MTMR2: variants seen among roughly 807,000 people sequenced by gnomAD.
MTMR2 encodes the protein phosphatidylinositol-3,5-bisphosphate 3-phosphatase MTMR2.
In MTMR2, 55 loss-of-function variants were observed where a neutral mutation model predicts 86.9. The ratio of observed to expected loss-of-function variants is 0.63; its 90% CI spans 0.51 to 0.79. The LOEUF is 0.79. Among genes scored for constraint, MTMR2 ranks in the 30% least tolerant of loss-of-function variants. The pLI is 0.00. For missense variants in MTMR2, 659 were observed against 772.3 expected (o/e 0.85, Z 1.74); for synonymous variants, 241 against 266.8 (o/e 0.90, Z 0.94).
At chr11:95,845,978 G>A (rs1381057547) in intron 10 of MTMR2, among the ~76,000 whole-genome samples, 1 of 149,866 alleles carries the variant, frequency 6.7e-6, no homozygotes, top group Non-Finnish European at 1.5e-5. Flanking sequence ...TTCTACATAC[G>A]CAGATGAGAA....
At position 95,849,796 on chromosome 11, in the gene MTMR2, C is replaced by T. The variant is rs370955430; in HGVS notation, c.871G>A (p.Val291Met). ...TCTTCTTTGCTTCGCTTTCCACTCA[C>T]TCCAACCATGGGCTGGCTACACCGA... is the stretch of plus-strand genomic sequence containing the variant. ...ITRCSQPMVG[V>M]SGKRSKEDEK... Residue 291 changes from valine to methionine, a missense_variant, in exon 9 of 15, where the codon GTG (valine) becomes ATG (methionine). By Grantham distance (21) the Val-to-Met change is conservative. Around this residue, in one of 3 missense-constraint regions of MTMR2, gnomAD observed 387 missense variants for 526.3 expected, o/e 0.74. Transcript: ENST00000346299. The T allele has an allele frequency of 8.1e-6, 13 of 1,614,064 alleles. No homozygotes were observed. The highest frequency in any genetic ancestry group is 6.7e-5 in the African/African-American group (5 of 74,946).
At chr11:95,846,450 G>C (rs1863795695) in intron 10 of MTMR2, among the ~76,000 whole-genome samples, 1 of 152,110 alleles carries the variant, frequency 6.6e-6, no homozygotes, top group South Asian at 2.1e-4. Context: ...AAGTGAAAAC[G>C]CTCCATAGAA....
chr11:95,856,333 CTT>C (rs11454567), intron 7 of MTMR2, among the ~76,000 whole-genome samples: 2 of 145,264 alleles, frequency 1.4e-5, no homozygotes, highest in African/African-American at 2.5e-5. Context: ...TTACCACTTC[CTT>C]TTTTTTTTTT....
Position 95,912,881 on chromosome 11 carries a change from C to CATAGTATAG in MTMR2, c.80+10985_80+10993dup, listed in dbSNP as rs1168383964. On this transcript the variant is annotated intron_variant, in intron 1 of 14. Transcript: ENST00000346299. ...AGAAAAGTTTTAACAGTAAACTGTT[C>CATAGTATAG]ATAGTATAGCTTATCAAGCACCTAC... The CATAGTATAG allele has an allele frequency of 8.2e-4, 124 of 152,122 alleles. 1 individual carries two copies. The highest frequency in any genetic ancestry group is 2.9e-3 in the African/African-American group (120 of 41,528). 9.4% of individuals were successfully genotyped at this position (152,122 alleles called of 1,614,324 possible). A position where few individuals can be genotyped will look rare whatever the true frequency, so the allele number is the denominator to read the frequency against.
intron 1 of MTMR2, among the ~76,000 whole-genome samples, chr11:95,913,272 G>A (rs535470186): frequency 2.0e-5 from 3 of 152,226 alleles, no homozygotes; most frequent in Admixed American, 2.0e-4. Context: ...ACATGGTAAA[G>A]TCTAGAACTG....
At chr11:95,883,204 T>C (rs558098757) in intron 2 of MTMR2, among the ~76,000 whole-genome samples, 1 of 152,304 alleles carries the variant, frequency 6.6e-6, no homozygotes, top group Admixed American at 6.5e-5. Flanking sequence ...CCCAGTGCTA[T>C]ACAAATTATA....
At chr11:95,876,879 C>G (rs1346858598) in intron 2 of MTMR2, among the ~76,000 whole-genome samples, 2 of 152,032 alleles carry the variant, frequency 1.3e-5, no homozygotes, top group East Asian at 1.9e-4. Context: ...CTCTCTCACA[C>G]ACACACAATT....
At chr11:95,906,842 A>G (rs1866295775) in intron 1 of MTMR2, among the ~76,000 whole-genome samples, 1 of 152,216 alleles carries the variant, frequency 6.6e-6, no homozygotes, top group South Asian at 2.1e-4. Context: ...GAACAAAGAT[A>G]CAACATACTA....
At chr11:95,843,429 T>TA (rs921715226) in intron 11 of MTMR2, among the ~76,000 whole-genome samples, 4 of 152,050 alleles carry the variant, frequency 2.6e-5, no homozygotes, top group Non-Finnish European at 4.4e-5. Context: ...AATTTAATGA[T>TA]AAAAAAAATT....
At chr11:95,884,935 G>T (rs897856305) in intron 2 of MTMR2, among the ~76,000 whole-genome samples, 4 of 151,948 alleles carry the variant, frequency 2.6e-5, no homozygotes, top group Non-Finnish European at 5.9e-5. Flanking sequence ...CTCTCCTAGG[G>T]AAAGAACAGT....
intron 1 of MTMR2, among the ~76,000 whole-genome samples, chr11:95,895,475 G>T (rs2135566495): frequency 6.6e-6 from 1 of 152,288 alleles, no homozygotes. Flanking sequence ...ATAAAAGGCT[G>T]TAATTTGCTG....
intron 10 of MTMR2, among the ~76,000 whole-genome samples, chr11:95,846,358 C>CT (rs1863792010): frequency 6.6e-6 from 1 of 152,174 alleles, no homozygotes; most frequent in Non-Finnish European, 1.5e-5. Flanking sequence ...AAAGTTCCTG[C>CT]TTACTGAAGT....
chr11:95,861,228 T>C (rs1864408221), intron 5 of MTMR2, among the ~76,000 whole-genome samples: 1 of 151,302 alleles, frequency 6.6e-6, no homozygotes, highest in Non-Finnish European at 1.5e-5. Flanking sequence ...ATTTAGTTAT[T>C]TAGTTCTTCC....
In MTMR2 at chr11:95,835,154, C is replaced by G; in HGVS notation, c.*136G>C. ...GCACTGCTACAGTTCTAAACTCATC[C>G]TAGAGAGATTTAAAATAAATAAAGT... On this transcript the variant is annotated 3_prime_UTR_variant, in exon 15 of 15. Coordinates refer to ENST00000346299, the MANE Select transcript of MTMR2 (RefSeq NM_016156.6). 1 of 940,544 alleles carries G rather than the reference C, an allele frequency of 1.1e-6. No homozygotes were observed. Among genetic ancestry groups the G allele is most frequent in the Non-Finnish European group, 1.7e-6 (1 of 602,564 alleles). 58.3% of individuals were successfully genotyped at this position (940,544 alleles called of 1,614,324 possible). A position where few individuals can be genotyped will look rare whatever the true frequency, so the allele number is the denominator to read the frequency against.
intron 14 of MTMR2, 39 bp downstream of exon 14, chr11:95,836,109 A>G (rs1297646860): frequency 1.9e-6 from 3 of 1,566,900 alleles, no homozygotes; most frequent in Middle Eastern, 1.7e-4. Flanking sequence ...GTTGCACTGC[A>G]TGAATGAAAA....
chr11:95,881,111 TGA>T (rs1483709135), intron 2 of MTMR2, among the ~76,000 whole-genome samples: 1 of 151,936 alleles, frequency 6.6e-6, no homozygotes, highest in African/African-American at 2.4e-5. Context: ...TTGGTGTGTG[TGA>T]GTTAGAAATT....
At position 95,856,885 on chromosome 11, in the gene MTMR2, T is replaced by A. The variant is rs1864235411; in HGVS notation, c.654+667A>T. On this transcript the variant is annotated intron_variant, in intron 7 of 14. Transcript: ENST00000346299. ...TCATCTTCTTCTGACACTGGATTTT[T>A]GAGTTAGCATGAATCTCCTGTTTCT... 2.6e-5 allele frequency among the ~76,000 whole-genome samples: 4 copies of A among 152,196 alleles called. 1 individual carries two copies. The South Asian group carries it at 8.3e-4, about 31-fold the overall frequency.
At chr11:95,918,883 C>A (rs1391369319) in intron 1 of MTMR2, among the ~76,000 whole-genome samples, 1 of 152,140 alleles carries the variant, frequency 6.6e-6, no homozygotes, top group Non-Finnish European at 1.5e-5. Flanking sequence ...CTTGCCCAGG[C>A]CAGAATACAG....
At chr11:95,860,945 C>T (rs1446888810) in intron 5 of MTMR2, among the ~76,000 whole-genome samples, 1 of 152,138 alleles carries the variant, frequency 6.6e-6, no homozygotes, top group East Asian at 1.9e-4. Context: ...ATCACGAGGT[C>T]AGGAGATTGG....
Sources: gnomAD v4.1 joint callset for allele counts (sites outside exome capture counted in the v4.1 genomes callset) on GRCh38, gnomAD v4.1.1 for gene constraint, gnomAD v4.1.1 regional missense constraint, MANE v1.5 for transcripts, NCBI Gene and HGNC (gene_info 2026-07-23, HGNC 2026-07-21) for gene names.